MEGF6: variants seen among roughly 807,000 people sequenced by gnomAD.
The protein encoded by MEGF6 is multiple EGF like domains 6, also known as multiple epidermal growth factor-like domains protein 6.
In MEGF6, 184 loss-of-function variants were observed where a neutral mutation model predicts 207.1. The observed-to-expected ratio is 0.89, with a 90% CI of 0.79 to 1.00. MEGF6 has a LOEUF of 1.00. Ranked by LOEUF, MEGF6 falls within the 50% of genes least tolerant of loss-of-function variation. The pLI, the probability that MEGF6 is intolerant of heterozygous loss-of-function variation, is 0.00. For synonymous variants in MEGF6, 1,038 were observed against 910.0 expected, an observed-to-expected ratio of 1.14 and a Z score of -2.53; for missense variants, 2,282 against 2,202.9, an observed-to-expected ratio of 1.04 and a Z score of -0.72.
At chr1:3,620,980 TTCCGCATA>T in the MEGF6 span, among the ~76,000 whole-genome samples, 3 of 152,206 alleles carry the variant, frequency 2.0e-5, no homozygotes, top group Non-Finnish European at 4.4e-5. Flanking sequence ...ACGCCATTAT[TTCCGCATA>T]TCAGAGACTT....
At chr1:3,595,914 G>A (rs891781774) in intron 2 of MEGF6, among the ~76,000 whole-genome samples, 1 of 152,176 alleles carries the variant, frequency 6.6e-6, no homozygotes, top group African/African-American at 2.4e-5. Context: ...CGGGTGGGCT[G>A]TGCCAGGCAG....
intron 3 of MEGF6, among the ~76,000 whole-genome samples, chr1:3,591,027 C>G (rs1216101216): frequency 1.3e-5 from 2 of 152,152 alleles, no homozygotes; most frequent in African/African-American, 4.8e-5. Flanking sequence ...CGTGAGCAGC[C>G]GTGTGTGACT....
chr1:3,598,508 C>CT (rs397962338), intron 2 of MEGF6, among the ~76,000 whole-genome samples: 1 of 151,248 alleles, frequency 6.6e-6, no homozygotes, highest in Non-Finnish European at 1.5e-5. Flanking sequence ...TATTTATCCC[C>CT]TCTCCCAGGC....
At chr1:3,592,408 C>T (rs951264407) in intron 3 of MEGF6, among the ~76,000 whole-genome samples, 3 of 152,128 alleles carry the variant, frequency 2.0e-5, no homozygotes, top group Non-Finnish European at 2.9e-5. Context: ...CACCACCCTC[C>T]AGGCCCCCAA....
intron 4 of MEGF6, among the ~76,000 whole-genome samples, chr1:3,544,970 C>A (rs547318275): frequency 1.3e-5 from 2 of 152,298 alleles, no homozygotes; most frequent in South Asian, 4.1e-4. Context: ...TGCTCCCTAC[C>A]CCAGCTGGGT....
intron 4 of MEGF6, among the ~76,000 whole-genome samples, chr1:3,548,799 C>A (rs942560312): frequency 2.0e-5 from 3 of 152,196 alleles, no homozygotes; most frequent in Non-Finnish European, 2.9e-5. Flanking sequence ...ACCGGGGCAG[C>A]CTCACAGCCA....
chr1:3,620,852 G>A, the MEGF6 span, among the ~76,000 whole-genome samples: 17 of 152,222 alleles, frequency 1.1e-4, no homozygotes, highest in Non-Finnish European at 2.4e-4. Flanking sequence ...AAGGGGGCAG[G>A]GTAAGGAGTG....
intron 30 of MEGF6, 66 bp from the exon 31 acceptor site, chr1:3,494,807 T>C: frequency 6.8e-7 from 1 of 1,472,676 alleles, no homozygotes; most frequent in Non-Finnish European, 9.0e-7. Context: ...TGGGGATATG[T>C]CCCCACAGGC....
chr1:3,562,509 G>A (rs1643232012), intron 4 of MEGF6, among the ~76,000 whole-genome samples: 1 of 152,194 alleles, frequency 6.6e-6, no homozygotes, highest in Non-Finnish European at 1.5e-5. Context: ...CTGGCCCCTG[G>A]CATCCCCCTC....
In MEGF6 at chr1:3,499,137, C is replaced by T. The variant is rs374268795; in HGVS notation, c.3094+1G>A. The T allele has an allele frequency of 2.3e-5, 37 of 1,603,952 alleles. No individual in the cohort carries two copies. Among genetic ancestry groups the T allele is most frequent in the Non-Finnish European group, 3.0e-5 (35 of 1,176,740 alleles). Reference sequence around the variant, plus strand: ...TCCCTGGACTCCTAGATGTGGCTTACCCTGCAGGCAGGAGGGCCCCATCCA... The same window carrying T: ...TCCCTGGACTCCTAGATGTGGCTTATCCTGCAGGCAGGAGGGCCCCATCCA... On this transcript the variant is annotated splice_donor_variant, in intron 24 of 36. Coordinates refer to ENST00000356575, the MANE Select transcript of MEGF6 (RefSeq NM_001409.4). LOFTEE classifies it high-confidence loss of function.
chr1:3,540,430 G>T (rs1040404750), intron 4 of MEGF6, among the ~76,000 whole-genome samples: 2 of 152,214 alleles, frequency 1.3e-5, no homozygotes, highest in African/African-American at 4.8e-5. Context: ...CCACAGGAAC[G>T]TGGCCCCAGC....
In MEGF6 at chr1:3,501,076, T is replaced by C; in HGVS notation, c.2465A>G (p.Tyr822Cys). The change falls in exon 20 of 37, where the codon TAT (tyrosine) becomes TGT (cysteine). Residue 822 changes from tyrosine to cysteine, a missense_variant. Physicochemically the swap from Tyr to Cys is radical, Grantham distance 194 (BLOSUM62 -2). Coordinates refer to ENST00000356575, the MANE Select transcript of MEGF6 (RefSeq NM_001409.4). ...GCACCTTGTCTGGCAGCTGGGACCATACCAGCCTGCTGGGCACACTACAGG... is the reference window on the plus strand; with the variant it reads ...GCACCTTGTCTGGCAGCTGGGACCACACCAGCCTGCTGGGCACACTACAGG... ...RCQDVCPAGW[Y>C]GPSCQTRCSC... 6.2e-7 allele frequency: 1 copy of C among 1,612,728 alleles called. No individual in the cohort carries two copies. The highest frequency in any genetic ancestry group is 8.5e-7 in the Non-Finnish European group (1 of 1,179,908).
At position 3,572,034 on chromosome 1, in the gene MEGF6, TC is replaced by T. The variant is rs1643514488; in HGVS notation, c.481+7790del. 3.9e-5 allele frequency among the ~76,000 whole-genome samples: 5 copies of T among 127,728 alleles called. No individual in the cohort carries two copies. In the South Asian group the frequency reaches 1.4e-3, roughly 37 times the overall value. 83.8% of individuals were successfully genotyped at this position (127,728 alleles called of 152,430 possible). A position where few individuals can be genotyped will look rare whatever the true frequency, so the allele number is the denominator to read the frequency against. The stretch of plus-strand genomic sequence containing the variant: ...GTCCTTCCTGAGTGTGCTAGGTCCT[TC>T]CCGGGTGTGCTGGGTCTTTCCTGGG... On this transcript the variant is annotated intron_variant, in intron 4 of 36. Coordinates refer to ENST00000356575, the MANE Select transcript of MEGF6 (RefSeq NM_001409.4).
At chr1:3,599,469 G>A (rs1393523630) in intron 2 of MEGF6, among the ~76,000 whole-genome samples, 1 of 152,236 alleles carries the variant, frequency 6.6e-6, no homozygotes, top group Non-Finnish European at 1.5e-5. Flanking sequence ...AGAAAGAGAA[G>A]GCCAGAAGCC....
chr1:3,580,691 T>G (rs1437459015), intron 3 of MEGF6, among the ~76,000 whole-genome samples: 1 of 146,772 alleles, frequency 6.8e-6, no homozygotes, highest in Non-Finnish European at 1.5e-5. Context: ...AATACCAACT[T>G]CCTTCACCGG....
Position 3,611,372 on chromosome 1 carries a change from C to T in MEGF6, c.-104G>A. 7.6e-7 allele frequency: 1 copy of T among 1,324,140 alleles called. No individual in the cohort carries two copies. The highest frequency in any genetic ancestry group is 9.6e-7 in the Non-Finnish European group (1 of 1,037,238). 82.0% of individuals were successfully genotyped at this position (1,324,140 alleles called of 1,614,324 possible). A position where few individuals can be genotyped will look rare whatever the true frequency, so the allele number is the denominator to read the frequency against. ...GCCATAGGACGCAGCCACAGGTGCCCGCGCCCGCTCCGCGGAGCCCAAGGT... is the reference window on the plus strand; with the variant it reads ...GCCATAGGACGCAGCCACAGGTGCCTGCGCCCGCTCCGCGGAGCCCAAGGT... On this transcript the variant is annotated 5_prime_UTR_variant, in exon 1 of 37. Coordinates refer to ENST00000356575, the MANE Select transcript of MEGF6 (RefSeq NM_001409.4).
At chr1:3,496,807 AGGGGCT>A (rs770701411) in intron 28 of MEGF6, 24 bp from the exon 29 acceptor site, 5 of 1,549,464 alleles carry the variant, frequency 3.2e-6, no homozygotes, top group South Asian at 2.4e-5. Flanking sequence ...GGCTAGCTGC[AGGGGCT>A]GGGGCTGGAG....
chr1:3,579,771 T>A, intron 4 of MEGF6, 54 bp downstream of exon 4: 1 of 1,323,594 alleles, frequency 7.6e-7, no homozygotes, highest in Non-Finnish European at 1.0e-6. Context: ...TCCTCGCCCC[T>A]TGCCCACAGG....
intron 9 of MEGF6, among the ~76,000 whole-genome samples, 189 bp downstream of exon 9, chr1:3,511,361 G>A (rs1299631959): frequency 1.3e-5 from 2 of 152,190 alleles, no homozygotes; most frequent in Non-Finnish European, 2.9e-5. Context: ...GGGCACCAAG[G>A]TCTTTCCCGG....
Sources: gnomAD v4.1 joint callset for allele counts (sites outside exome capture counted in the v4.1 genomes callset) on GRCh38, gnomAD v4.1.1 for gene constraint, MANE v1.5 for transcripts, NCBI Gene and HGNC (gene_info 2026-07-23, HGNC 2026-07-21) for gene names.